HNRNPUL1: variants seen among roughly 807,000 people sequenced by gnomAD.
The protein encoded by HNRNPUL1 is heterogeneous nuclear ribonucleoprotein U-like protein 1.
HNRNPUL1 carries 14 observed loss-of-function variants against 108.5 expected under a neutral mutation model. The observed-to-expected ratio is 0.13, with a 90% CI of 0.09 to 0.20. The LOEUF (loss-of-function observed/expected upper bound fraction) is 0.20, where lower values mean the gene tolerates loss of function less well. Ranked by LOEUF, HNRNPUL1 falls within the 10% of genes least tolerant of loss-of-function variation. HNRNPUL1 has a pLI of 1.00. For synonymous variants in HNRNPUL1, 422 were observed against 445.2 expected (o/e 0.95, Z 0.66); for missense variants, 804 against 1,168.3 (o/e 0.69, Z 4.55).
chr19:41,264,451 C>G lies in HNRNPUL1; in HGVS notation c.-53C>G. On this transcript the variant is annotated 5_prime_UTR_variant, in exon 1 of 15. Transcript: ENST00000392006. Reference sequence around the variant, plus strand: ...CCTGACAGGAAAGGTTTAAGGGGGACAGAGCCCTGGGAGGCCGGGCCGGGC... The same window carrying G: ...CCTGACAGGAAAGGTTTAAGGGGGAGAGAGCCCTGGGAGGCCGGGCCGGGC... 1.5e-6 allele frequency: 2 copies of G among 1,321,720 alleles called. No individual in the cohort carries two copies. The highest frequency in any genetic ancestry group is 1.9e-6 in the Non-Finnish European group (2 of 1,031,226). 81.9% of individuals were successfully genotyped at this position (1,321,720 alleles called of 1,614,324 possible).
intron 4 of HNRNPUL1, among the ~76,000 whole-genome samples, chr19:41,274,881 A>G (rs1211869077): frequency 6.6e-6 from 1 of 152,240 alleles, no homozygotes; most frequent in Non-Finnish European, 1.5e-5. Context: ...ATCTACCCAG[A>G]GTAGAGGTAA....
At chr19:41,271,946 A>C (rs1484489977) in intron 2 of HNRNPUL1, 136 bp from the exon 3 acceptor site, 3 of 962,400 alleles carry the variant, frequency 3.1e-6, no homozygotes, top group Non-Finnish European at 4.6e-6. Flanking sequence ...TGTTGAACTC[A>C]GCAAGCTGCC....
rs554886841 is a variant in HNRNPUL1, at chr19:41,283,520, A to G, written c.999+2245A>G. On this transcript the variant is annotated intron_variant, in intron 7 of 14. Transcript: ENST00000392006. ...GCCTAGGCTGGAGCACGGTGGCGCA[A>G]TCTCGGCTCACTGCAACCTCCGCTT... is the stretch of plus-strand genomic sequence containing the variant. Among the ~76,000 whole-genome samples the G allele has an allele frequency of 5.9e-5, 9 of 152,186 alleles. No homozygotes were observed. The South Asian group carries it at 1.9e-3, about 32-fold the overall frequency.
Position 41,264,407 on chromosome 19 carries a change from C to A in HNRNPUL1, c.-97C>A. 1 of 1,072,792 alleles carries A rather than the reference C, an allele frequency of 9.3e-7. No individual in the cohort carries two copies. The highest frequency in any genetic ancestry group is 3.2e-5 in the East Asian group (1 of 31,274). The allele number at this position is 1,072,792 out of a possible 1,614,324, so 66.5% of individuals were successfully genotyped here. A position where few individuals can be genotyped will look rare whatever the true frequency, so the allele number is the denominator to read the frequency against. On this transcript the variant is annotated 5_prime_UTR_variant, in exon 1 of 15. Coordinates refer to ENST00000392006, the MANE Select transcript of HNRNPUL1 (RefSeq NM_007040.6). ...GCTGCCGCCATTGGAGTGGGCCCCC[C>A]CCCTTTCCCCCTTCGCCTCCTGACA...
chr19:41,297,851 T>A (rs936894387), intron 10 of HNRNPUL1, among the ~76,000 whole-genome samples: 5 of 152,090 alleles, frequency 3.3e-5, no homozygotes, highest in African/African-American at 1.2e-4. Context: ...AACCCAGGGC[T>A]AGAATAGTCT....
chr19:41,302,567 C>T, intron 11 of HNRNPUL1, 98 bp from the exon 12 acceptor site: 1 of 1,446,372 alleles, frequency 6.9e-7, no homozygotes, highest in Admixed American at 1.7e-5. Context: ...TTCACCTTCT[C>T]CCTTCTGGAA....
intron 7 of HNRNPUL1, among the ~76,000 whole-genome samples, chr19:41,283,438 G>A (rs1021350847): frequency 1.1e-4 from 16 of 151,970 alleles, no homozygotes; most frequent in Admixed American, 3.3e-4. Context: ...GCACCACCAC[G>A]CCTGGCTAAT....
chr19:41,281,419 T>TA lies in HNRNPUL1; in HGVS notation c.999+144_999+145insA, dbSNP rs1433456766. ...GTCTCTGCTTGACAGACTGGAATGT[T>TA]TACTGTCATTTTGTGGGAAATTCTG... is the stretch of plus-strand genomic sequence containing the variant. On this transcript the variant is annotated intron_variant, in intron 7 of 14. Coordinates refer to ENST00000392006, the MANE Select transcript of HNRNPUL1 (RefSeq NM_007040.6). The TA allele has an allele frequency of 1.5e-4, 89 of 612,528 alleles. 1 individual carries two copies. The highest frequency in any genetic ancestry group is 2.3e-4 in the Non-Finnish European group (79 of 342,272). 37.9% of individuals were successfully genotyped at this position (612,528 alleles called of 1,614,324 possible). A position where few individuals can be genotyped will look rare whatever the true frequency, so the allele number is the denominator to read the frequency against.
At chr19:41,276,708 T>G (rs1330143649) in intron 5 of HNRNPUL1, 1 of 163,610 alleles carries the variant, frequency 6.1e-6, no homozygotes, top group Non-Finnish European at 1.3e-5. Flanking sequence ...GCCTCTGCTG[T>G]CATCTCTCCA....
At position 41,272,115 on chromosome 19, in the gene HNRNPUL1, C is replaced by T; in HGVS notation, c.452C>T (p.Thr151Ile). 6.2e-7 allele frequency: 1 copy of T among 1,614,164 alleles called. No homozygotes were observed. The highest frequency in any genetic ancestry group is 2.2e-5 in the East Asian group (1 of 44,882). Residue 151 changes from threonine (T) to isoleucine (I), a missense_variant, in exon 3 of 15, where the codon ACC (threonine) becomes ATC (isoleucine). This residue lies in a region of HNRNPUL1 where 256 missense variants were observed against 261.6 expected (regional missense o/e 0.98). Coordinates refer to ENST00000392006, the MANE Select transcript of HNRNPUL1 (RefSeq NM_007040.6). ...MKTEMKQGAP[T>I]SFLPPEASQL... Reference sequence around the variant, plus strand: ...ACAGAGATGAAGCAAGGAGCACCCACCAGCTTCCTCCCGCCTGAAGCTTCT... The same window carrying T: ...ACAGAGATGAAGCAAGGAGCACCCATCAGCTTCCTCCCGCCTGAAGCTTCT...
At chr19:41,303,899 C>T (rs1403155130) in intron 12 of HNRNPUL1, 73 bp from the exon 13 acceptor site, 14 of 1,540,710 alleles carry the variant, frequency 9.1e-6, no homozygotes, top group Non-Finnish European at 1.2e-5. Context: ...ACAGTAGTCA[C>T]CAAGACAACC....
At chr19:41,276,320 G>A (rs1309919374) in intron 5 of HNRNPUL1, 22 bp downstream of exon 5, 2 of 1,590,176 alleles carry the variant, frequency 1.3e-6, no homozygotes, top group East Asian at 2.3e-5. Flanking sequence ...CAAGAGAAGG[G>A]GAAGGGACAG....
intron 10 of HNRNPUL1, among the ~76,000 whole-genome samples, chr19:41,300,167 C>G (rs1257195883): frequency 6.6e-6 from 1 of 152,224 alleles, no homozygotes; most frequent in African/African-American, 2.4e-5. Flanking sequence ...TATGGACATT[C>G]TCTTACTCAG....
chr19:41,263,908 C>T (rs952681223), upstream of HNRNPUL1, among the ~76,000 whole-genome samples: 1 of 152,124 alleles, frequency 6.6e-6, no homozygotes, highest in African/African-American at 2.4e-5. Context: ...GGGTTTCTGC[C>T]GACCCTCCAT....
chr19:41,271,957 T>C, intron 2 of HNRNPUL1, 125 bp from the exon 3 acceptor site: 1 of 1,079,938 alleles, frequency 9.3e-7, no homozygotes, highest in Non-Finnish European at 1.3e-6. Flanking sequence ...GCAAGCTGCC[T>C]GTGCCCAGCC....
At chr19:41,270,343 C>T (rs895198649) in intron 2 of HNRNPUL1, among the ~76,000 whole-genome samples, 1 of 151,886 alleles carries the variant, frequency 6.6e-6, no homozygotes, top group Admixed American at 6.6e-5. Flanking sequence ...AGTTGAGGCT[C>T]CATGAGCCAT....
At chr19:41,268,119 A>G in intron 1 of HNRNPUL1, 104 bp from the exon 2 acceptor site, 2 of 1,071,300 alleles carry the variant, frequency 1.9e-6, no homozygotes, top group Non-Finnish European at 2.7e-6. Context: ...TATTCTTACC[A>G]CTCTTAGTTG....
At chr19:41,302,214 GTTTTTTT>G (rs58368849) in intron 11 of HNRNPUL1, among the ~76,000 whole-genome samples, 2 of 92,430 alleles carry the variant, frequency 2.2e-5, no homozygotes, top group African/African-American at 9.2e-5. Flanking sequence ...CTCTCTCTCT[GTTTTTTT>G]TTTTTTTTTT....
At chr19:41,273,928 T>C (rs1274904643) in intron 3 of HNRNPUL1, 54 bp from the exon 4 acceptor site, 5 of 1,375,124 alleles carry the variant, frequency 3.6e-6, no homozygotes, top group Admixed American at 3.4e-5. Flanking sequence ...TCATTTTCTT[T>C]CCTTTGTGCT....
Sources: allele counts gnomAD v4.1 joint callset (sites outside exome capture counted in the v4.1 genomes callset), GRCh38; gene constraint gnomAD v4.1.1; regional missense constraint gnomAD v4.1.1; transcripts MANE v1.5; gene names NCBI Gene and HGNC (gene_info 2026-07-23, HGNC 2026-07-21).